NEK11: variants seen among roughly 807,000 people sequenced by gnomAD.
NEK11 encodes NIMA related kinase 11, also known as serine/threonine-protein kinase Nek11.
Under a neutral mutation model 80.7 loss-of-function variants are expected in NEK11, and 72 were observed. The observed-to-expected ratio is 0.89, with a 90% CI of 0.74 to 1.08. NEK11 has a LOEUF of 1.08. Ranked by LOEUF, NEK11 falls within the 50% of genes least tolerant of loss-of-function variation. The pLI, the probability that NEK11 is intolerant of heterozygous loss-of-function variation, is 0.00. For missense variants in NEK11, 764 were observed against 763.6 expected, an observed-to-expected ratio of 1.00 and a Z score of -0.01; for synonymous variants, 251 against 260.7, an observed-to-expected ratio of 0.96 and a Z score of 0.36.
chr3:131,170,721 G>A, intron 13 of NEK11, 52 bp from the exon 14 acceptor site: 1 of 1,067,554 alleles, frequency 9.4e-7, no homozygotes, highest in Middle Eastern at 2.0e-4. Flanking sequence ...ATTTGTGGTA[G>A]TGCTGTTTCC....
intron 3 of NEK11, among the ~76,000 whole-genome samples, chr3:131,070,621 GT>G (rs1448601817): frequency 6.6e-6 from 1 of 152,172 alleles, no homozygotes; most frequent in Non-Finnish European, 1.5e-5. Context: ...ACAACGACAA[GT>G]TGTTTTTGTT....
At chr3:131,181,745 CAAAAAAAAAAAA>C (rs58463955) in intron 14 of NEK11, among the ~76,000 whole-genome samples, 6 of 83,124 alleles carry the variant, frequency 7.2e-5, no homozygotes, top group African/African-American at 2.5e-4. Flanking sequence ...GACTCCGCCT[CAAAAAAAAAAAA>C]AAAAAAAAAG....
chr3:131,166,476 A>G (rs1046460473), intron 12 of NEK11, among the ~76,000 whole-genome samples: 4 of 152,160 alleles, frequency 2.6e-5, no homozygotes, highest in African/African-American at 9.7e-5. Flanking sequence ...ATCTTTCTCA[A>G]TTATTTAGGG....
At chr3:131,042,709 C>T (rs1046897022) in intron 3 of NEK11, among the ~76,000 whole-genome samples, 1 of 152,208 alleles carries the variant, frequency 6.6e-6, no homozygotes, top group African/African-American at 2.4e-5. Context: ...ACGTTCCTGC[C>T]TGCTGACTCT....
intron 3 of NEK11, among the ~76,000 whole-genome samples, chr3:131,069,950 A>G (rs921189248): frequency 2.0e-5 from 3 of 151,686 alleles, no homozygotes; most frequent in African/African-American, 7.2e-5. Flanking sequence ...CACAATGTGC[A>G]CATGTACCCT....
intron 4 of NEK11, among the ~76,000 whole-genome samples, chr3:131,094,752 AATG>A (rs2077198470): frequency 6.6e-6 from 1 of 152,186 alleles, no homozygotes; most frequent in African/African-American, 2.4e-5. Flanking sequence ...TAAGTATTCA[AATG>A]ATCCAGCAGG....
chr3:131,315,707 C>G (rs139457228), intron 17 of NEK11, among the ~76,000 whole-genome samples: 2 of 151,990 alleles, frequency 1.3e-5, no homozygotes, highest in East Asian at 3.9e-4. Context: ...TGCTATCCCT[C>G]CCCCACCAAC....
At chr3:131,072,732 G>T (rs973754683) in intron 3 of NEK11, among the ~76,000 whole-genome samples, 2 of 152,066 alleles carry the variant, frequency 1.3e-5, no homozygotes, top group Non-Finnish European at 1.5e-5. Flanking sequence ...CTCCATGAAG[G>T]GAATCCACTC....
At position 131,027,917 on chromosome 3, in the gene NEK11, CCTT is replaced by C. The variant is rs1430452636; in HGVS notation, c.-169-10_-169-8del. On this transcript the variant is annotated splice_polypyrimidine_tract_variant and intron_variant, in intron 1 of 17. Transcript: ENST00000383366. Reference sequence around the variant, plus strand: ...TCATTCTGTCCGTCCCTAATTCTGTCCTTCTCTAAAAGGAACCTTAATCTCATC... The same window carrying C: ...TCATTCTGTCCGTCCCTAATTCTGTCCTCTAAAAGGAACCTTAATCTCATC... The C allele has an allele frequency of 6.6e-6, 1 of 152,180 alleles. No homozygotes were observed. The highest frequency in any genetic ancestry group is 1.5e-5 in the Non-Finnish European group (1 of 68,038). 9.4% of individuals were successfully genotyped at this position (152,180 alleles called of 1,614,324 possible).
intron 14 of NEK11, among the ~76,000 whole-genome samples, chr3:131,185,810 C>T (rs921430269): frequency 6.6e-6 from 1 of 152,190 alleles, no homozygotes; most frequent in Non-Finnish European, 1.5e-5. Flanking sequence ...CTGGAATATT[C>T]GTACACATTT....
intron 14 of NEK11, among the ~76,000 whole-genome samples, chr3:131,219,162 G>C (rs1293720011): frequency 6.6e-6 from 1 of 152,166 alleles, no homozygotes. Context: ...AAAAATGATA[G>C]ACTGGATAAA....
chr3:131,300,792 T>C (rs957371130), intron 17 of NEK11, among the ~76,000 whole-genome samples: 1 of 152,214 alleles, frequency 6.6e-6, no homozygotes, highest in African/African-American at 2.4e-5. Context: ...CCTTTTGATA[T>C]AGTTTGAAGT....
In NEK11 at chr3:131,287,886, A is replaced by G. The variant is rs926250268; in HGVS notation, c.1718+14312A>G. ...GCCTTAACATTCTCCACTTCATCCC[A>G]GGGGTATCCCTTTCTCTGGACATGA... On this transcript the variant is annotated intron_variant, in intron 17 of 17. Transcript: ENST00000383366. Among the ~76,000 whole-genome samples the G allele has an allele frequency of 1.3e-4, 20 of 152,192 alleles. 1 individual carries two copies. The highest frequency in any genetic ancestry group is 1.9e-4 in the East Asian group (1 of 5,198).
At chr3:131,121,864 A>C (rs967547106) in intron 5 of NEK11, among the ~76,000 whole-genome samples, 2 of 152,168 alleles carry the variant, frequency 1.3e-5, no homozygotes, top group African/African-American at 4.8e-5. Flanking sequence ...GAGTGTCCCA[A>C]CTTTCCAGGT....
At chr3:131,165,567 T>C in intron 12 of NEK11, 48 bp downstream of exon 12, 6 of 1,216,898 alleles carry the variant, frequency 4.9e-6, no homozygotes, top group Non-Finnish European at 7.2e-6. Context: ...TTTCTTGCTT[T>C]AGATTCATGG....
intron 16 of NEK11, among the ~76,000 whole-genome samples, chr3:131,268,730 C>T (rs2096115528): frequency 6.6e-6 from 1 of 152,254 alleles, no homozygotes; most frequent in African/African-American, 2.4e-5. Context: ...GTCTCCCAGT[C>T]AGGAGGCATG....
At chr3:131,222,018 C>A (rs985064866) in intron 14 of NEK11, among the ~76,000 whole-genome samples, 3 of 152,040 alleles carry the variant, frequency 2.0e-5, no homozygotes, top group Admixed American at 6.6e-5. Context: ...CTGATTCTCC[C>A]AGCTCCCTTA....
chr3:131,160,910 C>G (rs957931259), intron 10 of NEK11, among the ~76,000 whole-genome samples: 6 of 151,972 alleles, frequency 3.9e-5, no homozygotes, highest in African/African-American at 1.4e-4. Flanking sequence ...ACAGGAGCAC[C>G]CAGATTCATA....
At chr3:131,126,959 C>CTTTTTTTTTTTTTTTTTTTTTTTTTTTT (rs71133688) in intron 5 of NEK11, among the ~76,000 whole-genome samples, 7 of 90,118 alleles carry the variant, frequency 7.8e-5, no homozygotes, top group African/African-American at 1.4e-4. Context: ...TTCTTTCTTT[C>CTTTTTTTTTTTTTTTTTTTTTTTTTTTT]TTTTTTTTTT....
Sources: allele counts gnomAD v4.1 joint callset (sites outside exome capture counted in the v4.1 genomes callset), GRCh38; gene constraint gnomAD v4.1.1; transcripts MANE v1.5; gene names NCBI Gene and HGNC (gene_info 2026-07-23, HGNC 2026-07-21).